The following STK32B variants were observed in gnomAD, a reference collection of about 807,000 sequenced individuals.
STK32B encodes serine/threonine kinase 32B, also known as serine/threonine-protein kinase 32B.
A neutral mutation model predicts 52.6 loss-of-function variants in STK32B; 43 were observed. That is an observed-to-expected ratio of 0.82 (90% CI 0.64 to 1.05). STK32B has a LOEUF of 1.05. Ranked by LOEUF, STK32B falls within the 50% of genes least tolerant of loss-of-function variation. The pLI is 0.00. For synonymous variants in STK32B, 238 were observed against 204.3 expected, an observed-to-expected ratio of 1.17 and a Z score of -1.41; for missense variants, 621 against 534.6, an observed-to-expected ratio of 1.16 and a Z score of -1.59.
At chr4:5,163,843 C>T (rs1001435892) in intron 2 of STK32B, among the ~76,000 whole-genome samples, 1 of 152,148 alleles carries the variant, frequency 6.6e-6, no homozygotes, top group Admixed American at 6.5e-5. Context: ...TTTACAGGGA[C>T]CCATGGAGAG....
chr4:5,289,291 A>G (rs143748899), intron 3 of STK32B, among the ~76,000 whole-genome samples: 89 of 152,294 alleles, frequency 5.8e-4, no homozygotes, highest in African/African-American at 1.9e-3. Context: ...TGTATAAGTT[A>G]CTTACCGTGA....
chr4:5,175,274 T>G (rs531013347), intron 3 of STK32B, among the ~76,000 whole-genome samples: 1 of 152,328 alleles, frequency 6.6e-6, no homozygotes, highest in South Asian at 2.1e-4. Flanking sequence ...CGGAGTAGTT[T>G]GATCTTCTGA....
Position 5,467,915 on chromosome 4 carries a change from C to T in STK32B, c.1042-91C>T, listed in dbSNP as rs1015552612. The T allele has an allele frequency of 3.5e-6, 5 of 1,432,678 alleles. No individual in the cohort carries two copies. In the East Asian group the frequency reaches 1.1e-4, roughly 33 times the overall value. The allele number at this position is 1,432,678 out of a possible 1,614,324, so 88.7% of individuals were successfully genotyped here. A position where few individuals can be genotyped will look rare whatever the true frequency, so the allele number is the denominator to read the frequency against. ...GGTCCCAAGCATCTGAGGTTTCCATCTAGGTCAGTCTGCCGTCCTGTGATG... is the reference window on the plus strand; with the variant it reads ...GGTCCCAAGCATCTGAGGTTTCCATTTAGGTCAGTCTGCCGTCCTGTGATG... On this transcript the variant is annotated intron_variant, in intron 10 of 11. Transcript: ENST00000282908. The surrounding 1 kb of genome is among the most constrained non-coding windows in gnomAD (Gnocchi z 5.8).
At chr4:5,193,625 G>C (rs928922825) in intron 3 of STK32B, among the ~76,000 whole-genome samples, 2 of 152,190 alleles carry the variant, frequency 1.3e-5, no homozygotes, top group Admixed American at 1.3e-4. Context: ...CCAATGTCCT[G>C]GCCCCTGCTC....
At chr4:5,498,615 T>C (rs577821008) in intron 11 of STK32B, among the ~76,000 whole-genome samples, 1 of 152,176 alleles carries the variant, frequency 6.6e-6, no homozygotes, top group Non-Finnish European at 1.5e-5. Flanking sequence ...TTGGGAAATA[T>C]AAATATATGG....
intron 3 of STK32B, among the ~76,000 whole-genome samples, chr4:5,240,802 C>T (rs1049620988): frequency 5.9e-5 from 9 of 152,112 alleles, no homozygotes; most frequent in Non-Finnish European, 7.3e-5. Flanking sequence ...GATGATTGTG[C>T]TTCTTTGTGT....
chr4:5,167,322 T>C (rs1262933640), intron 2 of STK32B, among the ~76,000 whole-genome samples: 1 of 152,202 alleles, frequency 6.6e-6, no homozygotes, highest in Non-Finnish European at 1.5e-5. Context: ...GGGCTACAGC[T>C]CCCTCATGCT....
chr4:5,042,648 G>C, the STK32B span, among the ~76,000 whole-genome samples: 1 of 152,218 alleles, frequency 6.6e-6, no homozygotes. Context: ...AGGGGAGCGA[G>C]GTAGAGTTTC....
chr4:5,338,466 G>T (rs1293829604), intron 4 of STK32B, among the ~76,000 whole-genome samples: 1 of 152,196 alleles, frequency 6.6e-6, no homozygotes, highest in Non-Finnish European at 1.5e-5. Flanking sequence ...GGTGCTGAAA[G>T]AGTTCTTTAC....
chr4:5,098,362 A>T (rs1463511178), intron 1 of STK32B, among the ~76,000 whole-genome samples: 1 of 152,236 alleles, frequency 6.6e-6, no homozygotes, highest in Non-Finnish European at 1.5e-5. Flanking sequence ...CCTGGGGCTA[A>T]TCACCACCCC....
chr4:5,245,258 G>C (rs1275683467), intron 3 of STK32B, among the ~76,000 whole-genome samples: 1 of 152,180 alleles, frequency 6.6e-6, no homozygotes, highest in African/African-American at 2.4e-5. Flanking sequence ...GAATCTGGGT[G>C]CTCCTGTATT....
intron 1 of STK32B, among the ~76,000 whole-genome samples, chr4:5,103,608 T>C (rs2108796544): frequency 6.6e-6 from 1 of 152,304 alleles, no homozygotes; most frequent in East Asian, 1.9e-4. Context: ...GGAGTTTCTG[T>C]AGGGTAGGTA....
chr4:5,046,748 C>T (rs1741625011), upstream of STK32B, among the ~76,000 whole-genome samples: 2 of 152,176 alleles, frequency 1.3e-5, no homozygotes, highest in Admixed American at 6.5e-5. Context: ...AACTCAACAT[C>T]AATGCTCGTT....
chr4:5,019,558 C>T, the STK32B span: 2 of 1,209,698 alleles, frequency 1.7e-6, no homozygotes, highest in East Asian at 3.2e-5. Flanking sequence ...TGCGGTCCAT[C>T]CAGGGTGGCA....
At chr4:5,263,145 T>C (rs556021112) in intron 3 of STK32B, among the ~76,000 whole-genome samples, 27 of 152,144 alleles carry the variant, frequency 1.8e-4, no homozygotes, top group African/African-American at 6.3e-4. Context: ...ACTTAGGTAA[T>C]GTTTGTGGAT....
chr4:5,197,237 G>T (rs903470420), intron 3 of STK32B, among the ~76,000 whole-genome samples: 2 of 152,184 alleles, frequency 1.3e-5, no homozygotes, highest in Non-Finnish European at 2.9e-5. Flanking sequence ...TCAGGGTGGG[G>T]TTTGATGTGG....
At chr4:5,109,454 G>C (rs1431423875) in intron 1 of STK32B, among the ~76,000 whole-genome samples, 1 of 152,166 alleles carries the variant, frequency 6.6e-6, no homozygotes, top group Non-Finnish European at 1.5e-5. Flanking sequence ...GAAAAATACA[G>C]AATGCTGTGA....
chr4:5,261,112 G>C (rs546140110), intron 3 of STK32B, among the ~76,000 whole-genome samples: 3 of 152,248 alleles, frequency 2.0e-5, no homozygotes, highest in Admixed American at 1.3e-4. Flanking sequence ...AGTACCTCCA[G>C]CAGCTGGGGG....
intron 3 of STK32B, among the ~76,000 whole-genome samples, chr4:5,216,880 C>G (rs529360837): frequency 7.6e-4 from 116 of 152,322 alleles, no homozygotes; most frequent in Non-Finnish European, 1.2e-3. Flanking sequence ...TTTCCAGTGA[C>G]TATCATTGTA....
Sources: gnomAD v4.1 joint callset for allele counts (sites outside exome capture counted in the v4.1 genomes callset) on GRCh38, gnomAD v4.1.1 for gene constraint, Gnocchi (gnomAD v3.1) non-coding constraint, MANE v1.5 for transcripts, NCBI Gene and HGNC (gene_info 2026-07-23, HGNC 2026-07-21) for gene names.